The following NCF1 variants were observed in gnomAD, a reference collection of about 807,000 sequenced individuals.
NCF1 encodes the protein neutrophil cytosol factor 1.
A neutral mutation model predicts 34.9 loss-of-function variants in NCF1; 8 were observed. The ratio of observed to expected loss-of-function variants is 0.23; its 90% CI spans 0.13 to 0.41. The LOEUF (loss-of-function observed/expected upper bound fraction) is 0.41, where lower values mean the gene tolerates loss of function less well. Among genes scored for constraint, NCF1 ranks in the 10% least tolerant of loss-of-function variants. The pLI is 1.00. For synonymous variants in NCF1, 57 were observed against 146.3 expected (o/e 0.39, Z 4.41); for missense variants, 122 against 362.4 (o/e 0.34, Z 5.39).
chr7:74,779,455 AG>A lies in NCF1; in HGVS notation c.395+36del, dbSNP rs587670410. On this transcript the variant is annotated intron_variant, in intron 4 of 10. Coordinates refer to ENST00000289473, the MANE Select transcript of NCF1 (RefSeq NM_000265.7). ...AACTTTTCACCCTGCCAGGTGGGAG[AG>A]GGAAGGAGGGGTGGGACTTTCTGTG... 227 of 1,471,936 alleles carry A rather than the reference AG, an allele frequency of 1.5e-4. 1 individual carries two copies. The East Asian group carries it at 3.9e-3, about 25-fold the overall frequency. The allele number at this position is 1,471,936 out of a possible 1,614,324, so 91.2% of individuals were successfully genotyped here.
rs373093123 is a variant in NCF1, at chr7:74,779,281, G to A, written c.254G>A (p.Arg85Gln). The change falls in exon 4 of 11, where the codon CGG (arginine) becomes CAG (glutamine). Residue 85 changes from arginine to glutamine, a missense_variant. By Grantham distance (43) the Arg-to-Gln change is conservative (BLOSUM62 1). Coordinates refer to ENST00000289473, the MANE Select transcript of NCF1 (RefSeq NM_000265.7). ...GCTCCCAAGTGGTTTGACGGGCAGC[G>A]GGCCGCCGAGAACCGCCAGGGCACA... ...LPAPKWFDGQ[R>Q]AAENRQGTLT... 9.9e-6 allele frequency: 16 copies of A among 1,609,826 alleles called. No individual in the cohort carries two copies. The highest frequency in any genetic ancestry group is 5.0e-5 in the Admixed American group (3 of 59,766).
chr7:74,783,749 G>A (rs1796622378), intron 7 of NCF1, 117 bp downstream of exon 7: 2 of 1,509,352 alleles, frequency 1.3e-6, no homozygotes. Context: ...GAAAAGTCAG[G>A]GCTAAGATCT....
At chr7:74,777,174 G>A (rs1209951960) in intron 1 of NCF1, 93 bp from the exon 2 acceptor site, 46 of 971,972 alleles carry the variant, frequency 4.7e-5, no homozygotes, top group Admixed American at 5.9e-5. Flanking sequence ...CCAATCCTCT[G>A]GGCTTCCTCC....
intron 8 of NCF1, among the ~76,000 whole-genome samples, chr7:74,787,627 A>C (rs587653076): frequency 4.6e-5 from 7 of 151,038 alleles, no homozygotes; most frequent in African/African-American, 1.7e-4. Flanking sequence ...TATGTTACCC[A>C]GGCTGATCTC....
chr7:74,788,855 A>G, intron 10 of NCF1, 151 bp downstream of exon 10: 4 of 1,224,778 alleles, frequency 3.3e-6, no homozygotes, highest in Non-Finnish European at 4.6e-6. Context: ...TCAGAGGAGG[A>G]GCCAGCGCTA....
chr7:74,787,640 A>G (rs1175066101), intron 8 of NCF1, among the ~76,000 whole-genome samples: 1 of 149,292 alleles, frequency 6.7e-6, no homozygotes, highest in African/African-American at 2.5e-5. Flanking sequence ...CTGATCTCCA[A>G]CTCCTGGCCT....
intron 6 of NCF1, 177 bp downstream of exon 6, chr7:74,783,238 G>A (rs1796608564): frequency 3.1e-6 from 4 of 1,284,856 alleles, no homozygotes; most frequent in East Asian, 2.6e-5. Context: ...CCCTGTGGTG[G>A]CTGTGGGCAT....
rs782759739 is a variant in NCF1 at position 74,783,013 on chromosome 7, G to T, written c.526G>T (p.Ala176Ser). 37 of 1,611,288 alleles carry T rather than the reference G, an allele frequency of 2.3e-5. 1 individual carries two copies. The South Asian group carries it at 3.8e-4, about 17-fold the overall frequency. Residue 176 changes from alanine (A) to serine (S), a missense_variant, in exon 6 of 11, where the codon GCT (alanine) becomes TCT (serine). Coordinates refer to ENST00000289473, the MANE Select transcript of NCF1 (RefSeq NM_000265.7). ...NYEKTSGSEM[A>S]LSTGDVVEVV... Reference sequence around the variant, plus strand: ...CGAGAAGACCTCGGGCTCCGAGATGGCTCTGTCCACGGGGGACGTGGTGGA... The same window carrying T: ...CGAGAAGACCTCGGGCTCCGAGATGTCTCTGTCCACGGGGGACGTGGTGGA...
Position 74,783,060 on chromosome 7 carries a change from C to T in NCF1, c.573C>T (p.Ser191=), listed in dbSNP as rs140463577. 338 of 1,611,310 alleles carry T rather than the reference C, an allele frequency of 2.1e-4. No homozygotes were observed. The highest frequency in any genetic ancestry group is 1.1e-3 in the Middle Eastern group (5 of 4,440). Residue 191 remains serine, a splice_region_variant and synonymous_variant, in exon 6 of 11, where the codon AGC becomes AGT. Transcript: ENST00000289473. ...TGGAGGTCGTAGAGAAGAGCGAGAG[C>T]GGTCAGACCTCCCACCTTACGGGGC... ...DVVEVVEKSE[S]GWWFCQMKAK...
intron 8 of NCF1, among the ~76,000 whole-genome samples, chr7:74,787,052 G>T (rs587645677): frequency 4.8e-5 from 7 of 147,076 alleles, no homozygotes; most frequent in Admixed American, 2.7e-4. Flanking sequence ...AAAAAAAAGA[G>T]CAAAAAACAA....
At chr7:74,785,422 TTA>T in intron 8 of NCF1, 123 bp downstream of exon 8, 1 of 634,310 alleles carries the variant, frequency 1.6e-6, no homozygotes, top group East Asian at 3.1e-5. Context: ...CTCTCTGGGC[TTA>T]GTTTCCATCT....
chr7:74,787,339 C>T (rs1179588802), intron 8 of NCF1, among the ~76,000 whole-genome samples: 1 of 152,188 alleles, frequency 6.6e-6, no homozygotes, highest in Middle Eastern at 3.4e-3. Context: ...ACTTGGGAAG[C>T]TGAGACAGGA....
chr7:74,783,042 C>A lies in NCF1; in HGVS notation c.555C>A (p.Val185=), dbSNP rs369249526. The A allele has an allele frequency of 1.9e-6, 3 of 1,611,466 alleles. No individual in the cohort carries two copies. The highest frequency in any genetic ancestry group is 2.2e-5 in the South Asian group (2 of 90,956). ...TGTCCACGGGGGACGTGGTGGAGGTCGTAGAGAAGAGCGAGAGCGGTCAGA... is the reference window on the plus strand; with the variant it reads ...TGTCCACGGGGGACGTGGTGGAGGTAGTAGAGAAGAGCGAGAGCGGTCAGA... The part of the protein sequence containing the change: ...MALSTGDVVE[V]VEKSESGWWF... Residue 185 remains valine (V), a synonymous_variant, in exon 6 of 11, where the codon GTC becomes GTA. Coordinates refer to ENST00000289473, the MANE Select transcript of NCF1 (RefSeq NM_000265.7).
At position 74,779,385 on chromosome 7, in the gene NCF1, GTGC is replaced by G; in HGVS notation, c.359_361del (p.Val120_Arg121delinsGly). The G allele has an allele frequency of 6.3e-7, 1 of 1,595,282 alleles. No individual in the cohort carries two copies. The highest frequency in any genetic ancestry group is 8.5e-7 in the Non-Finnish European group (1 of 1,174,872). On this transcript the variant is annotated inframe_deletion, in exon 4 of 11. Transcript: ENST00000289473. ...TCCCCACCTCCTCGACTTCTTCAAG[GTGC>G]GCCCTGATGACCTCAAGCTCCCCAC...
chr7:74,777,167 A>G (rs1277884520), intron 1 of NCF1, 100 bp from the exon 2 acceptor site: 2 of 948,680 alleles, frequency 2.1e-6, no homozygotes, highest in Admixed American at 4.0e-5. Flanking sequence ...CCTCACCCCA[A>G]TCCTCTGGGC....
chr7:74,785,688 C>T (rs1796658433), intron 8 of NCF1: 1 of 339,926 alleles, frequency 2.9e-6, no homozygotes, highest in Non-Finnish European at 5.8e-6. Context: ...TTCGAGACCA[C>T]CCTGGCCAAC....
At chr7:74,782,847 AG>A in intron 5 of NCF1, 91 bp from the exon 6 acceptor site, 1 of 1,152,714 alleles carries the variant, frequency 8.7e-7, no homozygotes, top group South Asian at 1.3e-5. Flanking sequence ...CAGGAAATGC[AG>A]GGCAGCAGAG....
chr7:74,786,197 T>G (rs1178407795), intron 8 of NCF1, among the ~76,000 whole-genome samples: 1 of 94,366 alleles, frequency 1.1e-5, no homozygotes, highest in Non-Finnish European at 2.1e-5. Context: ...ACTGCACCAC[T>G]GCACCCCAGC....
At chr7:74,775,942 A>G (rs1410962799) in intron 1 of NCF1, among the ~76,000 whole-genome samples, 2 of 72,794 alleles carry the variant, frequency 2.7e-5, no homozygotes, top group Admixed American at 3.4e-4. Flanking sequence ...TTGATTCTGG[A>G]TCAGTCTTTT....
Sources: allele counts gnomAD v4.1 joint callset (sites outside exome capture counted in the v4.1 genomes callset), GRCh38; gene constraint gnomAD v4.1.1; transcripts MANE v1.5; gene names NCBI Gene and HGNC (gene_info 2026-07-23, HGNC 2026-07-21).